DAB1: variants seen among roughly 807,000 people sequenced by gnomAD.
DAB1 encodes the protein DAB adaptor protein 1.
In DAB1, 15 loss-of-function variants were observed where a neutral mutation model predicts 64.6. The observed-to-expected ratio is 0.23, with a 90% CI of 0.16 to 0.36. DAB1 has a LOEUF of 0.36. DAB1 is among the 10% of genes least tolerant of loss of function. The probability of loss-of-function intolerance (pLI) is 1.00; values close to 1 mark genes in which losing one functional copy is unlikely to be tolerated. For missense variants in DAB1, 596 were observed against 706.7 expected (o/e 0.84, Z 1.78); for synonymous variants, 235 against 251.9 (o/e 0.93, Z 0.64).
At chr1:57,351,529 G>C (rs911544452) in intron 1 of DAB1, among the ~76,000 whole-genome samples, 1 of 152,092 alleles carries the variant, frequency 6.6e-6, no homozygotes, top group Non-Finnish European at 1.5e-5. Context: ...AAGAATTGCT[G>C]CAAGCAATTC....
rs184441817 is a variant in DAB1, at chr1:57,836,563, C to A, written n.88-10108G>T. 1.8e-4 allele frequency among the ~76,000 whole-genome samples: 28 copies of A among 152,338 alleles called. No homozygotes were observed. In the East Asian group the frequency reaches 4.4e-3, roughly 24 times the overall value. On this transcript the variant is annotated intron_variant and non_coding_transcript_variant, in intron 1 of 1. Transcript: ENST00000477280. ...GGAGGGAACCAGGGGCTGACTCATTCAGAATCCATTTTCATAAATGTGAAC... is the reference window on the plus strand; with the variant it reads ...GGAGGGAACCAGGGGCTGACTCATTAAGAATCCATTTTCATAAATGTGAAC...
chr1:57,387,484 A>G (rs1409160819), intron 1 of DAB1: 1 of 52,258 alleles, frequency 1.9e-5, no homozygotes, highest in African/African-American at 9.6e-5. Context: ...GTATATGTAC[A>G]CACACACACA....
intron 7 of DAB1, among the ~76,000 whole-genome samples, chr1:57,488,357 G>C (rs555143736): frequency 2.7e-5 from 4 of 148,938 alleles, no homozygotes; most frequent in African/African-American, 7.5e-5. Context: ...AGCCAAGATC[G>C]TGCCACTGCA....
chr1:58,541,121 C>T (rs540526654), intron 1 of DAB1, among the ~76,000 whole-genome samples: 3 of 151,752 alleles, frequency 2.0e-5, no homozygotes, highest in Admixed American at 2.0e-4. Flanking sequence ...GCGTGAAACC[C>T]CGTCTCTACT....
chr1:57,951,317 C>T (rs1184865652), intron 5 of DAB1, among the ~76,000 whole-genome samples: 7 of 69,852 alleles, frequency 1.0e-4, no homozygotes, highest in East Asian at 4.9e-4. Context: ...GAGCCTGATT[C>T]ATATATATAT....
intron 1 of DAB1, among the ~76,000 whole-genome samples, chr1:57,356,611 C>T (rs1679124485): frequency 6.6e-6 from 1 of 152,008 alleles, no homozygotes; most frequent in African/African-American, 2.4e-5. Flanking sequence ...AATAAATAAT[C>T]TCCCTAGGAT....
intron 3 of DAB1, among the ~76,000 whole-genome samples, chr1:58,444,367 A>C (rs1244155219): frequency 6.6e-6 from 1 of 152,238 alleles, no homozygotes; most frequent in Non-Finnish European, 1.5e-5. Context: ...TCCCTTATAG[A>C]GATAAGAAAA....
intron 9 of DAB1, among the ~76,000 whole-genome samples, chr1:57,049,990 C>T (rs1649011193): frequency 6.6e-6 from 1 of 152,156 alleles, no homozygotes; most frequent in African/African-American, 2.4e-5. Flanking sequence ...CTCTGGGCTC[C>T]CACTGGGCAG....
At chr1:57,604,575 C>A (rs535695366) in intron 7 of DAB1, among the ~76,000 whole-genome samples, 10 of 152,250 alleles carry the variant, frequency 6.6e-5, no homozygotes, top group African/African-American at 2.4e-4. Flanking sequence ...AAACTACGGA[C>A]CCACAGAGCC....
intron 4 of DAB1, among the ~76,000 whole-genome samples, chr1:58,225,540 T>C (rs1314339814): frequency 2.0e-5 from 3 of 151,810 alleles, no homozygotes; most frequent in African/African-American, 7.3e-5. Context: ...CTATTCACAA[T>C]AGCAAAGACT....
intron 4 of DAB1, among the ~76,000 whole-genome samples, chr1:58,289,020 C>T (rs186852660): frequency 2.0e-5 from 3 of 152,316 alleles, no homozygotes; most frequent in Admixed American, 1.3e-4. Context: ...TATCCACCCC[C>T]ACTTAGACAT....
At chr1:58,143,125 G>C (rs567327849) in intron 5 of DAB1, among the ~76,000 whole-genome samples, 1 of 152,072 alleles carries the variant, frequency 6.6e-6, no homozygotes, top group Non-Finnish European at 1.5e-5. Context: ...AAGTTTGAGG[G>C]CCATTATTTT....
At chr1:58,334,028 T>A (rs928746504) in intron 4 of DAB1, among the ~76,000 whole-genome samples, 1 of 152,194 alleles carries the variant, frequency 6.6e-6, no homozygotes, top group African/African-American at 2.4e-5. Context: ...TGTAATAAGA[T>A]CATATCTTCT....
At chr1:57,613,449 T>C (rs1645752399) in intron 7 of DAB1, among the ~76,000 whole-genome samples, 7 of 152,118 alleles carry the variant, frequency 4.6e-5, no homozygotes, top group Admixed American at 4.6e-4. Flanking sequence ...GCACCCCATG[T>C]ATAAAAGCTG....
chr1:57,998,988 T>C (rs948106111), intron 5 of DAB1, among the ~76,000 whole-genome samples: 1 of 152,192 alleles, frequency 6.6e-6, no homozygotes, highest in Non-Finnish European at 1.5e-5. Context: ...GATTTATTAA[T>C]AAGCACATGT....
chr1:57,682,612 C>T (rs1027963917), intron 6 of DAB1, among the ~76,000 whole-genome samples: 5 of 152,014 alleles, frequency 3.3e-5, no homozygotes, highest in Non-Finnish European at 7.4e-5. Context: ...ATTCTCACCA[C>T]AGACCACTGG....
At chr1:57,273,562 C>CCTTCCTT (rs1671195821) in intron 2 of DAB1, among the ~76,000 whole-genome samples, 1 of 47,280 alleles carries the variant, frequency 2.1e-5, no homozygotes, top group Admixed American at 2.9e-4. Context: ...TGCCTTCCTT[C>CCTTCCTT]CTTCCTTCCT....
At chr1:57,194,212 T>C (rs1664423739) in intron 2 of DAB1, among the ~76,000 whole-genome samples, 1 of 152,168 alleles carries the variant, frequency 6.6e-6, no homozygotes, top group South Asian at 2.1e-4. Flanking sequence ...GGCTGTTTTC[T>C]ATTGTGTTTT....
In DAB1 at chr1:58,310,086, T is replaced by C. The variant is rs543673726; in HGVS notation, n.309+33266A>G. Reference sequence around the variant, plus strand: ...TACTTGGCTGATCACTATCAGTCTATTAAAATACACACATGCTCACACATA... The same window carrying C: ...TACTTGGCTGATCACTATCAGTCTACTAAAATACACACATGCTCACACATA... On this transcript the variant is annotated intron_variant and non_coding_transcript_variant, in intron 4 of 20. Coordinates refer to the DAB1 transcript ENST00000485760. 2.0e-5 allele frequency among the ~76,000 whole-genome samples: 3 copies of C among 152,276 alleles called. No individual in the cohort carries two copies. In the East Asian group the frequency reaches 5.8e-4, roughly 29 times the overall value.
Sources: allele counts gnomAD v4.1 joint callset (sites outside exome capture counted in the v4.1 genomes callset), GRCh38; gene constraint gnomAD v4.1.1; transcripts MANE v1.5; gene names NCBI Gene and HGNC (gene_info 2026-07-23, HGNC 2026-07-21).